Variants in GGCX observed in about 807,000 individuals in gnomAD.
The protein encoded by GGCX is gamma-glutamyl carboxylase.
Under a neutral mutation model 88.5 loss-of-function variants are expected in GGCX, and 63 were observed. The ratio of observed to expected loss-of-function variants is 0.71; its 90% confidence interval spans 0.58 to 0.88. The LOEUF is 0.88. Among genes scored for constraint, GGCX ranks in the 40% least tolerant of loss-of-function variants. GGCX has a pLI of 0.00. For synonymous variants in GGCX, 368 were observed against 365.8 expected, an observed-to-expected ratio of 1.01 and a Z score of -0.07; for missense variants, 805 against 932.9, an observed-to-expected ratio of 0.86 and a Z score of 1.79.
chr2:85,551,742 A>G (rs1467378146), intron 11 of GGCX, 70 bp downstream of exon 11: 1 of 1,563,340 alleles, frequency 6.4e-7, no homozygotes, highest in Non-Finnish European at 8.8e-7. Context: ...CCCTCCCACC[A>G]CATGGAATGT....
chr2:85,555,469 A>G lies in GGCX; in HGVS notation c.725+15T>C. On this transcript the variant is annotated intron_variant, in intron 6 of 14. Coordinates refer to ENST00000233838, the MANE Select transcript of GGCX (RefSeq NM_000821.7). ...CCCATGCCTCAAAGAGGCCTCCACC[A>G]TGACTGCCACTCACTTGAAGGGACT... 7.7e-7 allele frequency: 1 copy of G among 1,296,692 alleles called. No homozygotes were observed. The highest frequency in any genetic ancestry group is 1.1e-6 in the Non-Finnish European group (1 of 889,856). The allele number at this position is 1,296,692 out of a possible 1,614,324, so 80.3% of individuals were successfully genotyped here.
At chr2:85,558,325 T>C (rs532633739) in intron 4 of GGCX, 115 bp downstream of exon 4, 1 of 919,010 alleles carries the variant, frequency 1.1e-6, no homozygotes, top group East Asian at 2.4e-5. Context: ...CAAAGTGACC[T>C]TGTAACCATA....
rs757322578 is a variant in GGCX at position 85,550,049 on chromosome 2, G to A, written c.2162C>T (p.Thr721Ile). 6.2e-7 allele frequency: 1 copy of A among 1,612,314 alleles called. No homozygotes were observed. The highest frequency in any genetic ancestry group is 8.5e-7 in the Non-Finnish European group (1 of 1,178,624). The change falls in exon 15 of 15, where the codon ACT (threonine) becomes ATT (isoleucine). Residue 721 changes from threonine (T) to isoleucine (I), a missense_variant. Transcript: ENST00000233838. ...CTCAAAGGGTCTCAAGTTTGCATAA[G>A]TCACCTCCTGGGCCAGCTGCTCCAG... ...PSLEQLAQEVTYANLRPFEAV... is the reference protein window; with the variant it reads ...PSLEQLAQEVIYANLRPFEAV...
At position 85,550,146 on chromosome 2, in the gene GGCX, C is replaced by T. The variant is rs1458110212; in HGVS notation, c.2085-20G>A. On this transcript the variant is annotated intron_variant, in intron 14 of 14. Transcript: ENST00000233838. The stretch of plus-strand genomic sequence containing the variant: ...AGGAAGCTGAAAAACAGGAAAAAGC[C>T]GACCAAGTTCAAACTCCTGTTTCAC... The T allele has an allele frequency of 5.6e-6, 9 of 1,596,280 alleles. No homozygotes were observed. Among genetic ancestry groups the T allele is most frequent in the East Asian group, 4.5e-5 (2 of 44,778 alleles).
rs1191928003 is a variant in GGCX at position 85,545,499 on chromosome 2, C to T, written c.*4435G>A. ...TAACCTGAGAATACTATATGTGTAT[C>T]TTTAACCTTGAATTGTAATCCATAA... On this transcript the variant is annotated 3_prime_UTR_variant, in exon 15 of 15. Coordinates refer to ENST00000233838, the MANE Select transcript of GGCX (RefSeq NM_000821.7). 9 of 152,198 alleles carry T rather than the reference C, an allele frequency of 5.9e-5. No individual in the cohort carries two copies. The highest frequency in any genetic ancestry group is 1.3e-4 in the Non-Finnish European group (9 of 68,036). The allele number at this position is 152,198 out of a possible 1,614,324, so 9.4% of individuals were successfully genotyped here. A position where few individuals can be genotyped will look rare whatever the true frequency, so the allele number is the denominator to read the frequency against.
At chr2:85,555,735 C>T in intron 5 of GGCX, 145 bp from the exon 6 acceptor site, 1 of 639,582 alleles carries the variant, frequency 1.6e-6, no homozygotes. Flanking sequence ...CAGTCCTTGA[C>T]CCAAATAATC....
rs1465438918 is a variant in GGCX, at chr2:85,545,465, T to C, written c.*4469A>G. On this transcript the variant is annotated 3_prime_UTR_variant, in exon 15 of 15. Transcript: ENST00000233838. ...AGACTTTGGCTCTTAAAAAATGCTATCATATGAATAACCTGAGAATACTAT... is the reference window on the plus strand; with the variant it reads ...AGACTTTGGCTCTTAAAAAATGCTACCATATGAATAACCTGAGAATACTAT... 1 of 152,194 alleles carries C rather than the reference T, an allele frequency of 6.6e-6. No homozygotes were observed. The highest frequency in any genetic ancestry group is 1.5e-5 in the Non-Finnish European group (1 of 68,040). The allele number at this position is 152,194 out of a possible 1,614,324, so 9.4% of individuals were successfully genotyped here.
Position 85,551,831 on chromosome 2 carries a change from GACC to G in GGCX, c.1587_1589del (p.Val530del), listed in dbSNP as rs1332494716. The G allele has an allele frequency of 3.7e-6, 6 of 1,613,708 alleles. No individual in the cohort carries two copies. The highest frequency in any genetic ancestry group is 5.1e-6 in the Non-Finnish European group (6 of 1,179,592). ...CCATACCAGGGAAATCTGCAATGAA[GACC>G]ACCTCAGTGTGGTTGTCTAGGCTGC... On this transcript the variant is annotated inframe_deletion, in exon 11 of 15. Transcript: ENST00000233838.
In GGCX at chr2:85,554,369, C is replaced by T. The variant is rs535444497; in HGVS notation, c.726-63G>A. Reference sequence around the variant, plus strand: ...TGGAGAACACATCAAAGCACATTCACAGCACGAATGTGCCTTGGCTACTCC... The same window carrying T: ...TGGAGAACACATCAAAGCACATTCATAGCACGAATGTGCCTTGGCTACTCC... On this transcript the variant is annotated intron_variant, in intron 6 of 14. Transcript: ENST00000233838. 1.5e-5 allele frequency: 22 copies of T among 1,479,180 alleles called. No individual in the cohort carries two copies. In the African/African-American group the frequency reaches 2.5e-4, roughly 17 times the overall value. 91.6% of individuals were successfully genotyped at this position (1,479,180 alleles called of 1,614,324 possible).
rs747087437 is a variant in GGCX at position 85,561,424 on chromosome 2, G to A, written c.5C>T (p.Ala2Val). The change falls in exon 1 of 15, where the codon GCG becomes GTG. Residue 2 changes from alanine to valine, a missense_variant. Ala to Val is a moderately conservative substitution (Grantham distance 64, BLOSUM62 0). Coordinates refer to ENST00000233838, the MANE Select transcript of GGCX (RefSeq NM_000821.7). Reference protein sequence around the residue: MAVSAGSARTSP... With the variant: MVVSAGSARTSP... The stretch of plus-strand genomic sequence containing the variant: ...GGTCCGCGCGGACCCGGCAGACACC[G>A]CCATTGCTCTGCGGAGGAGGCAGGT... The A allele has an allele frequency of 3.2e-6, 5 of 1,570,132 alleles. No homozygotes were observed. The highest frequency in any genetic ancestry group is 2.6e-6 in the Non-Finnish European group (3 of 1,157,754).
rs1558800757 is a variant in GGCX at position 85,546,278 on chromosome 2, TAAA to T, written c.*3653_*3655del. 3 of 152,108 alleles carry T rather than the reference TAAA, an allele frequency of 2.0e-5. No homozygotes were observed. Among genetic ancestry groups the T allele is most frequent in the Admixed American group, 6.5e-5 (1 of 15,280 alleles). The allele number at this position is 152,108 out of a possible 1,614,324, so 9.4% of individuals were successfully genotyped here. ...TGAAACCCTGTCTCTACTAAAAATA[TAAA>T]AAAGTTAGCCAGGCACCTGTAGTCC... On this transcript the variant is annotated 3_prime_UTR_variant, in exon 15 of 15. Coordinates refer to ENST00000233838, the MANE Select transcript of GGCX (RefSeq NM_000821.7).
Position 85,547,637 on chromosome 2 carries a change from T to C in GGCX, c.*2297A>G, listed in dbSNP as rs1691741283. ...AGTGGCAAAGTATCTTCTATTGTGTTACTATGAGAGAAGATCTGCAAAAGG... is the reference window on the plus strand; with the variant it reads ...AGTGGCAAAGTATCTTCTATTGTGTCACTATGAGAGAAGATCTGCAAAAGG... On this transcript the variant is annotated 3_prime_UTR_variant, in exon 15 of 15. Coordinates refer to ENST00000233838, the MANE Select transcript of GGCX (RefSeq NM_000821.7). The C allele has an allele frequency of 6.6e-6, 1 of 152,190 alleles. No homozygotes were observed. The highest frequency in any genetic ancestry group is 6.5e-5 in the Admixed American group (1 of 15,278). 9.4% of individuals were successfully genotyped at this position (152,190 alleles called of 1,614,324 possible).
At chr2:85,550,195 T>C in intron 14 of GGCX, 69 bp from the exon 15 acceptor site, 1 of 1,183,880 alleles carries the variant, frequency 8.4e-7, no homozygotes, top group Non-Finnish European at 1.3e-6. Flanking sequence ...GCTAAAGCCC[T>C]TAGAAGGCAC....
At chr2:85,555,658 T>G in intron 5 of GGCX, 68 bp from the exon 6 acceptor site, 1 of 880,016 alleles carries the variant, frequency 1.1e-6, no homozygotes, top group South Asian at 1.3e-5. Flanking sequence ...AAGAATAAAA[T>G]AAGGAGCATA....
At position 85,558,442 on chromosome 2, in the gene GGCX, G is replaced by C; in HGVS notation, c.537C>G (p.Tyr179Ter). 6.2e-7 allele frequency: 1 copy of C among 1,613,348 alleles called. No individual in the cohort carries two copies. Among genetic ancestry groups the C allele is most frequent in the Non-Finnish European group, 8.5e-7 (1 of 1,179,296 alleles). The change falls in exon 4 of 15, where the codon TAC (tyrosine) becomes TAG (stop). Residue 179 changes from tyrosine (Y) to a stop codon, truncating the protein, a stop_gained and splice_region_variant. Coordinates refer to ENST00000233838, the MANE Select transcript of GGCX (RefSeq NM_000821.7). LOFTEE classifies it high-confidence loss of function. ...CCTTTGTCCCCCCTGACTCATACCA[G>C]TAGTGGTTTGCATCCATGAATGTTA... ...FQLTFMDANH[Y>*]WSVDGLLNAH...
chr2:85,556,175 G>T lies in GGCX; in HGVS notation c.618+7C>A. The stretch of plus-strand genomic sequence containing the variant: ...GGAGCTCCTCCCTCTGTCCTAAAAT[G>T]CTGTACCTGGCCACGGAGCACTGCA... On this transcript the variant is annotated splice_region_variant and intron_variant, in intron 5 of 14. Transcript: ENST00000233838. 2 of 1,585,184 alleles carry T rather than the reference G, an allele frequency of 1.3e-6. No individual in the cohort carries two copies. The highest frequency in any genetic ancestry group is 1.7e-6 in the Non-Finnish European group (2 of 1,153,480).
chr2:85,553,726 A>G (rs1347332519), intron 7 of GGCX: 1 of 543,300 alleles, frequency 1.8e-6, no homozygotes, highest in African/African-American at 1.9e-5. Context: ...CAGCCTCCCA[A>G]GTAGCTGGAA....
chr2:85,559,882 C>T (rs999973302), intron 2 of GGCX, among the ~76,000 whole-genome samples: 3 of 152,172 alleles, frequency 2.0e-5, no homozygotes, highest in African/African-American at 4.8e-5. Context: ...GGTTTCTCAA[C>T]TTCAGGACTA....
At chr2:85,552,345 A>C in intron 10 of GGCX, 71 bp downstream of exon 10, 1 of 1,383,342 alleles carries the variant, frequency 7.2e-7, no homozygotes, top group East Asian at 2.3e-5. Context: ...AATACCAGGA[A>C]GCAAGGGCTG....
Sources: gnomAD v4.1 joint callset for allele counts (sites outside exome capture counted in the v4.1 genomes callset) on GRCh38, gnomAD v4.1.1 for gene constraint, MANE v1.5 for transcripts, NCBI Gene and HGNC (gene_info 2026-07-23, HGNC 2026-07-21) for gene names.